LIMS2: variants seen among roughly 807,000 people sequenced by gnomAD.
LIMS2 encodes LIM and senescent cell antigen-like-containing domain protein 2.
A neutral mutation model predicts 45.3 loss-of-function variants in LIMS2; 30 were observed. That is an observed-to-expected ratio of 0.66 (90% CI 0.50 to 0.90). LIMS2 has a LOEUF of 0.90. Among genes scored for constraint, LIMS2 ranks in the 40% least tolerant of loss-of-function variants. The pLI is 0.00. For missense variants in LIMS2, 485 were observed against 468.7 expected (o/e 1.03, Z -0.32); for synonymous variants, 173 against 188.0 (o/e 0.92, Z 0.65).
chr2:127,671,601 C>T lies in LIMS2; in HGVS notation c.11+3413G>A, dbSNP rs1421822122. On this transcript the variant is annotated intron_variant, in intron 1 of 9. Transcript: ENST00000355119. The surrounding 1 kb of genome is among the most constrained non-coding windows in gnomAD (Gnocchi z 4.1). ...TTAACTATTCAGGAATTCCGTAAAG[C>T]GTTAATGCCATGTTGGTGGCTTGAA... 1.3e-5 allele frequency among the ~76,000 whole-genome samples: 2 copies of T among 152,226 alleles called. No individual in the cohort carries two copies. The highest frequency in any genetic ancestry group is 4.8e-5 in the African/African-American group (2 of 41,450).
In LIMS2 at chr2:127,651,176, C is replaced by T. The variant is rs201325616; in HGVS notation, c.359+3248G>A. Reference sequence around the variant, plus strand: ...CCCTCAAGCTCCGCAGGCCCCTCTACGCACACCTGGCCTGTGCCTTCCTGT... The same window carrying T: ...CCCTCAAGCTCCGCAGGCCCCTCTATGCACACCTGGCCTGTGCCTTCCTGT... On this transcript the variant is annotated intron_variant, in intron 4 of 9. Transcript: ENST00000355119. The T allele has an allele frequency of 6.2e-6, 10 of 1,612,396 alleles. No homozygotes were observed. Among genetic ancestry groups the T allele is most frequent in the East Asian group, 2.2e-5 (1 of 44,888 alleles).
In LIMS2 at chr2:127,657,390, G is replaced by C. The variant is rs766145999; in HGVS notation, c.171+13C>G. 24 of 1,613,520 alleles carry C rather than the reference G, an allele frequency of 1.5e-5. No individual in the cohort carries two copies. Among genetic ancestry groups the C allele is most frequent in the Non-Finnish European group, 5.1e-6 (6 of 1,179,966 alleles). On this transcript the variant is annotated intron_variant, in intron 2 of 9. Transcript: ENST00000355119. ...CGAGCTGGGTCTGAGAAAGCCCTCAGTAGTGTCCTCACCTCATAGAAGAGC... is the reference window on the plus strand; with the variant it reads ...CGAGCTGGGTCTGAGAAAGCCCTCACTAGTGTCCTCACCTCATAGAAGAGC...
chr2:127,659,132 A>T (rs1558892818), intron 1 of LIMS2, among the ~76,000 whole-genome samples: 1 of 151,956 alleles, frequency 6.6e-6, no homozygotes, highest in Non-Finnish European at 1.5e-5. Context: ...CGAAATGGAG[A>T]TGGACTGGAA....
intron 2 of LIMS2, chr2:127,655,452 G>GC (rs1338424675): frequency 1.2e-5 from 2 of 160,398 alleles, no homozygotes; most frequent in African/African-American, 2.4e-5. Flanking sequence ...CCCTGTGCTG[G>GC]CCACAAGCGG....
At chr2:127,656,242 T>C (rs1244745022) in intron 2 of LIMS2, among the ~76,000 whole-genome samples, 1 of 152,150 alleles carries the variant, frequency 6.6e-6, no homozygotes, top group African/African-American at 2.4e-5. Context: ...CCAAGATTGT[T>C]GATGATTTAA....
At chr2:127,650,211 T>C in intron 4 of LIMS2, 1 of 746,346 alleles carries the variant, frequency 1.3e-6, no homozygotes, top group Non-Finnish European at 2.2e-6. Flanking sequence ...ACTGCACCTG[T>C]GGGCAGGTGG....
chr2:127,648,203 T>C, intron 4 of LIMS2: 1 of 985,390 alleles, frequency 1.0e-6, no homozygotes. Flanking sequence ...ACAGACCCTG[T>C]TCCTGGAAGC....
rs144856438 is a variant in LIMS2 at position 127,653,445 on chromosome 2, G to A, written c.359+979C>T. On this transcript the variant is annotated intron_variant, in intron 4 of 9. Coordinates refer to ENST00000355119, the MANE Select transcript of LIMS2 (RefSeq NM_001161403.3). This position sits in a 1 kb window ranked among gnomAD's most constrained non-coding sequence, Gnocchi z 5.3. ...TGACATGTGGGCAGCTGAGGACAGCGAGAGAGAGGCCTGAAGTGGAGCCTG... is the reference window on the plus strand; with the variant it reads ...TGACATGTGGGCAGCTGAGGACAGCAAGAGAGAGGCCTGAAGTGGAGCCTG... Among the ~76,000 whole-genome samples, 3 of 152,312 alleles carry A rather than the reference G, an allele frequency of 2.0e-5. No homozygotes were observed. The highest frequency in any genetic ancestry group is 7.2e-5 in the African/African-American group (3 of 41,566).
At chr2:127,651,140 C>G in intron 4 of LIMS2, 1 of 1,613,330 alleles carries the variant, frequency 6.2e-7, no homozygotes, top group African/African-American at 1.3e-5. Context: ...CCATTGTGCA[C>G]CCGGTCAAGT....
rs13405288 is a variant in LIMS2, at chr2:127,644,091, C to T, written c.360-1019G>A. The stretch of plus-strand genomic sequence containing the variant: ...GACCTGCTACTGCTGGGTGTCTGGA[C>T]TCCATCCTGCACAGCACTGTGCTCC... On this transcript the variant is annotated intron_variant, in intron 4 of 9. Transcript: ENST00000355119. The T allele has an allele frequency of 9.0e-4, 412 of 456,556 alleles. 3 individuals are homozygous for T. The highest frequency in any genetic ancestry group is 7.8e-3 in the African/African-American group (391 of 50,196). The allele number at this position is 456,556 out of a possible 1,614,324, so 28.3% of individuals were successfully genotyped here.
chr2:127,641,005 CG>C lies in LIMS2; in HGVS notation c.661-18del. 1 of 1,610,426 alleles carries C rather than the reference CG, an allele frequency of 6.2e-7. No individual in the cohort carries two copies. Among genetic ancestry groups the C allele is most frequent in the South Asian group, 1.1e-5 (1 of 91,010 alleles). ...GACAAAGTGCTGCAAGGACAAAGGG[CG>C]GGCCGGGTGGCATCAGGGCTAGAGC... On this transcript the variant is annotated intron_variant, in intron 6 of 9. Transcript: ENST00000355119.
At chr2:127,680,711 G>A (rs1685595092) in intron 1 of LIMS2, among the ~76,000 whole-genome samples, 1 of 152,212 alleles carries the variant, frequency 6.6e-6, no homozygotes, top group African/African-American at 2.4e-5. Flanking sequence ...AGGAGTAGAG[G>A]TGGACCATCG....
chr2:127,665,147 A>C (rs1350906525), intron 1 of LIMS2, among the ~76,000 whole-genome samples: 4 of 152,200 alleles, frequency 2.6e-5, no homozygotes, highest in African/African-American at 9.6e-5. Flanking sequence ...CACCCGCGGT[A>C]GGCATCCAAA....
Position 127,640,473 on chromosome 2 carries a change from G to A in LIMS2, c.754-155C>T, listed in dbSNP as rs55681222. ...AGCTGCAAGGCTGGGTTGAGGGCAC[G>A]GCAACCCATGAGAACCACCCTTCCG... On this transcript the variant is annotated intron_variant, in intron 7 of 9. Transcript: ENST00000355119. 523 of 766,780 alleles carry A rather than the reference G, an allele frequency of 6.8e-4. 1 individual carries two copies. The African/African-American group carries it at 8.2e-3, about 12-fold the overall frequency. The allele number at this position is 766,780 out of a possible 1,614,324, so 47.5% of individuals were successfully genotyped here.
At chr2:127,644,065 G>C in intron 4 of LIMS2, 1 of 456,524 alleles carries the variant, frequency 2.2e-6, no homozygotes, top group Non-Finnish European at 4.4e-6. Flanking sequence ...CTGGACCCCA[G>C]GACCTGCTAC....
At chr2:127,676,326 C>A (rs1382394992), upstream of LIMS2, among the ~76,000 whole-genome samples, 1 of 151,830 alleles carries the variant, frequency 6.6e-6, no homozygotes, top group Non-Finnish European at 1.5e-5. Flanking sequence ...TAGTATCCTG[C>A]AGTTCCACCT....
chr2:127,647,809 C>T lies in LIMS2; in HGVS notation c.360-4737G>A, dbSNP rs1333416613. 2.6e-5 allele frequency among the ~76,000 whole-genome samples: 4 copies of T among 152,038 alleles called. No homozygotes were observed. Among genetic ancestry groups the T allele is most frequent in the African/African-American group, 9.7e-5 (4 of 41,368 alleles). On this transcript the variant is annotated intron_variant, in intron 4 of 9. Transcript: ENST00000355119. This position sits in a 1 kb window ranked among gnomAD's most constrained non-coding sequence, Gnocchi z 4.3. ...CCTGGAGCCCTGTTCCTCCAGTCTC[C>T]GGGTCCTCACCCCCAGCACATGCAA... is the stretch of plus-strand genomic sequence containing the variant.
rs1275933197 is a variant in LIMS2, at chr2:127,672,589, C to T, written c.11+2425G>A. ...CCAGTCAGTTGGGTCCTGTCCACTCCACCTCCCAGAACCCTGAGTCAGCCT... is the reference window on the plus strand; with the variant it reads ...CCAGTCAGTTGGGTCCTGTCCACTCTACCTCCCAGAACCCTGAGTCAGCCT... On this transcript the variant is annotated intron_variant, in intron 1 of 9. Coordinates refer to ENST00000355119, the MANE Select transcript of LIMS2 (RefSeq NM_001161403.3). This position sits in a 1 kb window ranked among gnomAD's most constrained non-coding sequence, Gnocchi z 4.9. Among the ~76,000 whole-genome samples, 1 of 152,210 alleles carries T rather than the reference C, an allele frequency of 6.6e-6. No homozygotes were observed. The highest frequency in any genetic ancestry group is 1.9e-4 in the East Asian group (1 of 5,188).
rs1292849371 is a variant in LIMS2 at position 127,638,434 on chromosome 2, A to ACAAG, written c.*843_*846dup. The ACAAG allele has an allele frequency of 2.6e-5, 4 of 150,996 alleles. No individual in the cohort carries two copies. Among genetic ancestry groups the ACAAG allele is most frequent in the Non-Finnish European group, 5.9e-5 (4 of 67,390 alleles). 9.4% of individuals were successfully genotyped at this position (150,996 alleles called of 1,614,324 possible). Reference sequence around the variant, plus strand: ...CACGCAGGCTGCTGTGGTTGTGTGAACAAGCCTTCATTGTGCAAGCGTGAG... The same window carrying ACAAG: ...CACGCAGGCTGCTGTGGTTGTGTGAACAAGCAAGCCTTCATTGTGCAAGCGTGAG... On this transcript the variant is annotated 3_prime_UTR_variant, in exon 10 of 10. Coordinates refer to ENST00000355119, the MANE Select transcript of LIMS2 (RefSeq NM_001161403.3).
Sources: allele counts gnomAD v4.1 joint callset (sites outside exome capture counted in the v4.1 genomes callset), GRCh38; gene constraint gnomAD v4.1.1; non-coding constraint Gnocchi (gnomAD v3.1); transcripts MANE v1.5; gene names NCBI Gene and HGNC (gene_info 2026-07-23, HGNC 2026-07-21).